Variants in KIF6 observed in about 807,000 individuals in gnomAD.
KIF6 encodes kinesin family member 6, also known as kinesin-like protein KIF6.
Under a neutral mutation model 112.7 loss-of-function variants are expected in KIF6, and 106 were observed. The ratio of observed to expected loss-of-function variants is 0.94; its 90% confidence interval spans 0.80 to 1.11. KIF6 has a LOEUF of 1.11. Ranked by LOEUF, KIF6 falls within the 50% of genes least tolerant of loss-of-function variation. The probability of loss-of-function intolerance (pLI) is 0.00; values close to 1 mark genes in which losing one functional copy is unlikely to be tolerated. For synonymous variants in KIF6, 339 were observed against 339.9 expected, an observed-to-expected ratio of 1.00 and a Z score of 0.03; for missense variants, 929 against 964.0, an observed-to-expected ratio of 0.96 and a Z score of 0.48.
chr6:39,492,438 G>A (rs926603213), intron 13 of KIF6, among the ~76,000 whole-genome samples: 2 of 152,214 alleles, frequency 1.3e-5, no homozygotes, highest in Admixed American at 1.3e-4. Flanking sequence ...TAGGAAGTAA[G>A]CTGAGAAGTT....
chr6:39,457,431 A>G (rs549421585), intron 13 of KIF6, among the ~76,000 whole-genome samples: 40 of 146,380 alleles, frequency 2.7e-4, no homozygotes, highest in Middle Eastern at 3.6e-3. Context: ...AAGATCCAAA[A>G]TTGACACCCT....
At chr6:39,443,381 A>C (rs1772078314) in intron 13 of KIF6, among the ~76,000 whole-genome samples, 1 of 152,046 alleles carries the variant, frequency 6.6e-6, no homozygotes, top group Non-Finnish European at 1.5e-5. Flanking sequence ...CAAATTTTCT[A>C]TCTATGCCTA....
chr6:39,684,477 T>C (rs948289532), intron 3 of KIF6, among the ~76,000 whole-genome samples: 11 of 152,032 alleles, frequency 7.2e-5, no homozygotes, highest in Admixed American at 2.0e-4. Flanking sequence ...TAGCTGGGCA[T>C]GGTGACACAA....
At chr6:39,638,987 G>A (rs529555460) in intron 4 of KIF6, among the ~76,000 whole-genome samples, 3 of 152,176 alleles carry the variant, frequency 2.0e-5, no homozygotes, top group African/African-American at 4.8e-5. Context: ...CTACTTACAG[G>A]ATGTGGGCCC....
intron 3 of KIF6, among the ~76,000 whole-genome samples, chr6:39,698,424 C>T (rs1788681551): frequency 6.6e-6 from 1 of 152,130 alleles, no homozygotes; most frequent in Non-Finnish European, 1.5e-5. Flanking sequence ...ATAAAGTAAA[C>T]ACAACTTAAA....
chr6:39,395,509 G>A (rs992689148), intron 15 of KIF6, among the ~76,000 whole-genome samples: 1 of 152,118 alleles, frequency 6.6e-6, no homozygotes, highest in Admixed American at 6.5e-5. Flanking sequence ...CAGCAAAGGG[G>A]GATATAACCA....
chr6:39,707,953 G>A (rs1194997089), intron 3 of KIF6, among the ~76,000 whole-genome samples: 3 of 152,130 alleles, frequency 2.0e-5, no homozygotes, highest in Non-Finnish European at 2.9e-5. Flanking sequence ...CAAATATTTT[G>A]AGCCAGAAAA....
intron 13 of KIF6, among the ~76,000 whole-genome samples, chr6:39,449,257 T>G (rs1320838998): frequency 1.3e-5 from 2 of 152,382 alleles, no homozygotes; most frequent in Non-Finnish European, 2.9e-5. Flanking sequence ...TGGCTTCCCA[T>G]GGACAAAGCC....
chr6:39,455,140 G>A (rs1383495897), intron 13 of KIF6, among the ~76,000 whole-genome samples: 4 of 152,218 alleles, frequency 2.6e-5, no homozygotes, highest in African/African-American at 9.7e-5. Context: ...TTTGAAGAGA[G>A]CAGTGGTTCT....
At chr6:39,426,682 T>C (rs750156390) in intron 14 of KIF6, among the ~76,000 whole-genome samples, 3 of 151,856 alleles carry the variant, frequency 2.0e-5, no homozygotes, top group Non-Finnish European at 4.4e-5. Flanking sequence ...ATCTGGGAGG[T>C]TGAGGCTGCA....
intron 13 of KIF6, among the ~76,000 whole-genome samples, chr6:39,526,862 A>G (rs1020820256): frequency 6.6e-6 from 1 of 152,214 alleles, no homozygotes; most frequent in African/African-American, 2.4e-5. Flanking sequence ...GTCAGTTCCA[A>G]AAGAGAGGAT....
intron 16 of KIF6, among the ~76,000 whole-genome samples, chr6:39,370,553 A>C (rs1363725518): frequency 6.6e-6 from 1 of 152,230 alleles, no homozygotes; most frequent in East Asian, 1.9e-4. Flanking sequence ...TCTGAGACAG[A>C]CCACACAGTA....
intron 13 of KIF6, among the ~76,000 whole-genome samples, chr6:39,522,805 G>C (rs1349856244): frequency 6.6e-6 from 1 of 152,110 alleles, no homozygotes; most frequent in Admixed American, 6.5e-5. Context: ...TTCTGCCTCA[G>C]CCTACTCTGC....
intron 13 of KIF6, among the ~76,000 whole-genome samples, chr6:39,437,678 T>A (rs991013534): frequency 3.3e-5 from 5 of 152,196 alleles, no homozygotes; most frequent in African/African-American, 9.6e-5. Flanking sequence ...CCATTAGAGA[T>A]GAATTCCAAC....
intron 13 of KIF6, among the ~76,000 whole-genome samples, chr6:39,483,348 T>C (rs372270715): frequency 2.6e-5 from 4 of 152,334 alleles, no homozygotes; most frequent in South Asian, 4.1e-4. Flanking sequence ...TCCACAACTG[T>C]GATTTTCCTG....
At chr6:39,591,055 CT>C (rs1781926862) in intron 7 of KIF6, among the ~76,000 whole-genome samples, 1 of 152,178 alleles carries the variant, frequency 6.6e-6, no homozygotes, top group Non-Finnish European at 1.5e-5. Context: ...AGAAAGAATT[CT>C]TTTTCCCTAA....
intron 9 of KIF6, 143 bp from the exon 10 acceptor site, chr6:39,578,302 C>A: frequency 1.9e-6 from 1 of 539,034 alleles, no homozygotes; most frequent in Non-Finnish European, 3.3e-6. Flanking sequence ...TTTGTTAAAT[C>A]TTAACGTTTT....
At chr6:39,534,108 G>A (rs1778254600) in intron 13 of KIF6, among the ~76,000 whole-genome samples, 1 of 151,958 alleles carries the variant, frequency 6.6e-6, no homozygotes, top group Admixed American at 6.5e-5. Context: ...CACAAAGATG[G>A]GGAAAAAACA....
intron 3 of KIF6, among the ~76,000 whole-genome samples, chr6:39,683,898 G>A (rs188434023): frequency 2.8e-4 from 42 of 151,692 alleles, no homozygotes; most frequent in African/African-American, 8.2e-4. Context: ...TGTGAAAGGA[G>A]GCAGGGATAG....
Sources: allele counts gnomAD v4.1 joint callset (sites outside exome capture counted in the v4.1 genomes callset), GRCh38; gene constraint gnomAD v4.1.1; transcripts MANE v1.5; gene names NCBI Gene and HGNC (gene_info 2026-07-23, HGNC 2026-07-21).